Variants in SMARCA5 observed in about 807,000 individuals in gnomAD.
SMARCA5 encodes SWI/SNF-related matrix-associated actin-dependent regulator of chromatin subfamily A member 5.
SMARCA5 carries 18 observed loss-of-function variants against 140.4 expected under a neutral mutation model. That is an observed-to-expected ratio of 0.13 (90% CI 0.09 to 0.19). The LOEUF is 0.19. Ranked by LOEUF, SMARCA5 falls within the 10% of genes least tolerant of loss-of-function variation. SMARCA5 has a pLI of 1.00. For missense variants in SMARCA5, 606 were observed against 1,276.8 expected, an observed-to-expected ratio of 0.47 and a Z score of 8.01; for synonymous variants, 449 against 419.6, an observed-to-expected ratio of 1.07 and a Z score of -0.86.
chr4:143,540,627 A>G, intron 14 of SMARCA5, 132 bp downstream of exon 14: 2 of 781,678 alleles, frequency 2.6e-6, no homozygotes, highest in Non-Finnish European at 4.1e-6. Flanking sequence ...GATGACTTGT[A>G]TTGCAAATAC....
chr4:143,538,762 A>C (rs767708004), intron 12 of SMARCA5, 24 bp from the exon 13 acceptor site: 7 of 1,613,206 alleles, frequency 4.3e-6, no homozygotes, highest in Non-Finnish European at 5.9e-6. Context: ...AAATTTTTTG[A>C]CAACCATTTT....
In SMARCA5 at chr4:143,519,240, G is replaced by A. The variant is rs74658892; in HGVS notation, c.252+1811G>A. Among the ~76,000 whole-genome samples the A allele has an allele frequency of 3.8e-4, 58 of 152,170 alleles. No homozygotes were observed. In the East Asian group the frequency reaches 0.011, roughly 29 times the overall value. On this transcript the variant is annotated intron_variant, in intron 2 of 23. Transcript: ENST00000283131. ...TAATTTTTACTTAGCATACCTTAGTGTTACCTCAATGAATGAAAGTTCCTC... is the reference window on the plus strand; with the variant it reads ...TAATTTTTACTTAGCATACCTTAGTATTACCTCAATGAATGAAAGTTCCTC...
At chr4:143,522,212 A>G (rs374461845) in intron 3 of SMARCA5, among the ~76,000 whole-genome samples, 2 of 152,276 alleles carry the variant, frequency 1.3e-5, no homozygotes, top group East Asian at 1.9e-4. Flanking sequence ...TAAAATTTTT[A>G]TTGCATACTT....
At chr4:143,527,777 A>G (rs1737104953) in intron 6 of SMARCA5, 91 bp from the exon 7 acceptor site, 2 of 1,112,286 alleles carry the variant, frequency 1.8e-6, no homozygotes, top group South Asian at 1.5e-5. Context: ...TAGTATTCCC[A>G]CCTCTTTTTA....
intron 9 of SMARCA5, among the ~76,000 whole-genome samples, chr4:143,532,515 A>G (rs1737210653): frequency 6.6e-6 from 1 of 152,086 alleles, no homozygotes; most frequent in South Asian, 2.1e-4. Context: ...TCTTGTAGCT[A>G]CCTCTCTACT....
At position 143,527,957 on chromosome 4, in the gene SMARCA5, C is replaced by A; in HGVS notation, c.891C>A (p.Phe297Leu). ...TGCTTATTAAAGAGAAGTCTGTGTT[C>A]AAAAAATTTAATTGGAGATACTTAG... ...YEMLIKEKSV[F>L]KKFNWRYLVI... The change falls in exon 7 of 24, where the codon TTC becomes TTA. Residue 297 changes from phenylalanine (F) to leucine (L), a missense_variant. Coordinates refer to ENST00000283131, the MANE Select transcript of SMARCA5 (RefSeq NM_003601.4). 6.3e-7 allele frequency: 1 copy of A among 1,595,534 alleles called. No homozygotes were observed. The highest frequency in any genetic ancestry group is 8.5e-7 in the Non-Finnish European group (1 of 1,173,896).
At chr4:143,528,544 C>T (rs752848318) in intron 7 of SMARCA5, 39 bp from the exon 8 acceptor site, 1 of 1,581,024 alleles carries the variant, frequency 6.3e-7, no homozygotes, top group Non-Finnish European at 8.6e-7. Flanking sequence ...ATGCAATATG[C>T]AGAATATTCT....
chr4:143,538,206 A>T (rs1170984384), intron 11 of SMARCA5, among the ~76,000 whole-genome samples: 2 of 152,194 alleles, frequency 1.3e-5, no homozygotes, highest in Non-Finnish European at 2.9e-5. Context: ...CTTCAGAACC[A>T]GGCTGAGACC....
intron 2 of SMARCA5, among the ~76,000 whole-genome samples, chr4:143,517,902 A>G (rs1269990641): frequency 3.9e-5 from 6 of 152,230 alleles, no homozygotes. Flanking sequence ...TATGTGTAAT[A>G]TGGAATACTA....
Position 143,553,944 on chromosome 4 carries a change from C to T in SMARCA5, c.*760C>T, listed in dbSNP as rs1045013263. 1 of 149,732 alleles carries T rather than the reference C, an allele frequency of 6.7e-6. No individual in the cohort carries two copies. The highest frequency in any genetic ancestry group is 1.5e-5 in the Non-Finnish European group (1 of 67,608). The allele number at this position is 149,732 out of a possible 1,614,324, so 9.3% of individuals were successfully genotyped here. A position where few individuals can be genotyped will look rare whatever the true frequency, so the allele number is the denominator to read the frequency against. On this transcript the variant is annotated 3_prime_UTR_variant, in exon 24 of 24. Coordinates refer to ENST00000283131, the MANE Select transcript of SMARCA5 (RefSeq NM_003601.4). ...TTGTCATATGACCTTCTGAAGCAGCCACAACTTAGATAATGTCAGAACTAA... is the reference window on the plus strand; with the variant it reads ...TTGTCATATGACCTTCTGAAGCAGCTACAACTTAGATAATGTCAGAACTAA...
In SMARCA5 at chr4:143,527,954, G is replaced by A; in HGVS notation, c.888G>A (p.Val296=). ...AAATGCTTATTAAAGAGAAGTCTGT[G>A]TTCAAAAAATTTAATTGGAGATACT... is the stretch of plus-strand genomic sequence containing the variant. The part of the protein sequence containing the change: ...SYEMLIKEKS[V]FKKFNWRYLV... Residue 296 remains valine (V), a synonymous_variant, in exon 7 of 24, where the codon GTG becomes GTA. Coordinates refer to ENST00000283131, the MANE Select transcript of SMARCA5 (RefSeq NM_003601.4). 1 of 1,597,750 alleles carries A rather than the reference G, an allele frequency of 6.3e-7. No individual in the cohort carries two copies. The highest frequency in any genetic ancestry group is 1.1e-5 in the South Asian group (1 of 87,990).
intron 1 of SMARCA5, among the ~76,000 whole-genome samples, chr4:143,515,916 T>C (rs183444280): frequency 2.3e-4 from 35 of 152,280 alleles, no homozygotes; most frequent in Admixed American, 2.0e-3. Context: ...TATAGAAATA[T>C]TAGGAATTTT....
chr4:143,548,316 GT>G, intron 22 of SMARCA5, 176 bp downstream of exon 22: 1 of 443,822 alleles, frequency 2.3e-6, no homozygotes, highest in Non-Finnish European at 4.0e-6. Context: ...CTATCCTTTA[GT>G]ATCTTACGTC....
At chr4:143,542,914 G>T (rs888294519) in intron 14 of SMARCA5, among the ~76,000 whole-genome samples, 1 of 152,100 alleles carries the variant, frequency 6.6e-6, no homozygotes. Context: ...GGGAGTTGAA[G>T]GCTGCAGTGA....
chr4:143,525,162 A>G (rs1241817188), intron 4 of SMARCA5, among the ~76,000 whole-genome samples: 2 of 151,986 alleles, frequency 1.3e-5, no homozygotes, highest in East Asian at 1.9e-4. Context: ...AAAAGACGAG[A>G]GGCCAAAGAG....
At position 143,528,002 on chromosome 4, in the gene SMARCA5, G is replaced by A; in HGVS notation, c.936G>A (p.Arg312=). The change falls in exon 7 of 24, where the codon AGG becomes AGA. Residue 312 remains arginine, a synonymous_variant. Coordinates refer to ENST00000283131, the MANE Select transcript of SMARCA5 (RefSeq NM_003601.4). The part of the protein sequence containing the change: ...WRYLVIDEAH[R]IKNEKSKLSE... ...ACTTAGTAATAGATGAAGCTCACAG[G>A]ATCAAAAATGAAAAATCTAAGGTAA... 2 of 1,566,760 alleles carry A rather than the reference G, an allele frequency of 1.3e-6. No individual in the cohort carries two copies.
chr4:143,527,725 T>C, intron 6 of SMARCA5, 143 bp from the exon 7 acceptor site: 1 of 594,908 alleles, frequency 1.7e-6, no homozygotes, highest in South Asian at 2.5e-5. Flanking sequence ...GAAAGCTGGT[T>C]CTAAACGTTT....
In SMARCA5 at chr4:143,527,934, C is replaced by G; in HGVS notation, c.868C>G (p.Leu290Val). 4 of 1,601,026 alleles carry G rather than the reference C, an allele frequency of 2.5e-6. No individual in the cohort carries two copies. Among genetic ancestry groups the G allele is most frequent in the Non-Finnish European group, 3.4e-6 (4 of 1,175,608 alleles). ...WDVCVTSYEM[L>V]IKEKSVFKKF... Reference sequence around the variant, plus strand: ...TGTATGTGTAACATCTTATGAAATGCTTATTAAAGAGAAGTCTGTGTTCAA... The same window carrying G: ...TGTATGTGTAACATCTTATGAAATGGTTATTAAAGAGAAGTCTGTGTTCAA... Residue 290 changes from leucine (L) to valine (V), a missense_variant, in exon 7 of 24, where the codon CTT becomes GTT. This residue lies in a region of SMARCA5 where 110 missense variants were observed against 287.7 expected (regional missense o/e 0.38). Transcript: ENST00000283131.
At chr4:143,530,354 A>T in intron 8 of SMARCA5, 104 bp from the exon 9 acceptor site, 2 of 664,994 alleles carry the variant, frequency 3.0e-6, no homozygotes, top group Middle Eastern at 4.3e-4. Context: ...TTTGTGGGTT[A>T]CAATTCAAAT....
Sources: gnomAD v4.1 joint callset for allele counts (sites outside exome capture counted in the v4.1 genomes callset) on GRCh38, gnomAD v4.1.1 for gene constraint, gnomAD v4.1.1 regional missense constraint, MANE v1.5 for transcripts, NCBI Gene and HGNC (gene_info 2026-07-23, HGNC 2026-07-21) for gene names.